The following ATXN7L3 variants were observed in gnomAD, a reference collection of about 807,000 sequenced individuals.
ATXN7L3 encodes the protein ataxin-7-like protein 3.
ATXN7L3 carries 6 observed loss-of-function variants against 50.0 expected under a neutral mutation model. The ratio of observed to expected loss-of-function variants is 0.12; its 90% CI spans 0.07 to 0.24. The LOEUF is 0.24. Among genes scored for constraint, ATXN7L3 ranks in the 10% least tolerant of loss-of-function variants. The pLI, the probability that ATXN7L3 is intolerant of heterozygous loss-of-function variation, is 1.00. For synonymous variants in ATXN7L3, 198 were observed against 165.8 expected (o/e 1.19, Z -1.49); for missense variants, 322 against 451.3 (o/e 0.71, Z 2.60).
rs921183518 is a variant in ATXN7L3 at position 44,193,422 on chromosome 17, A to C, written c.*841T>G. ...TCCTGGGGCAGGGAATGAGGTAAGA[A>C]AACATTTCAAATAAAGCAGCACCGT... On this transcript the variant is annotated 3_prime_UTR_variant, in exon 13 of 13. Coordinates refer to ENST00000587097, the MANE Select transcript of ATXN7L3 (RefSeq NM_001382309.1). The C allele has an allele frequency of 6.6e-6, 1 of 152,550 alleles. No individual in the cohort carries two copies. Among genetic ancestry groups the C allele is most frequent in the African/African-American group, 2.4e-5 (1 of 41,362 alleles). The allele number at this position is 152,550 out of a possible 1,614,324, so 9.4% of individuals were successfully genotyped here. A position where few individuals can be genotyped will look rare whatever the true frequency, so the allele number is the denominator to read the frequency against.
intron 9 of ATXN7L3, 97 bp downstream of exon 9, chr17:44,195,322 C>A: frequency 1.4e-6 from 2 of 1,420,064 alleles, no homozygotes; most frequent in Non-Finnish European, 2.0e-6. Flanking sequence ...CGATACGGCC[C>A]TGACTGCTAG....
intron 6 of ATXN7L3, 92 bp downstream of exon 6, chr17:44,196,304 C>T: frequency 2.0e-6 from 3 of 1,536,084 alleles, no homozygotes; most frequent in Non-Finnish European, 1.8e-6. Flanking sequence ...ATGACCTCAG[C>T]CTTGAGTCAT....
In ATXN7L3 at chr17:44,191,834, C is replaced by A; in HGVS notation, c.*2429G>T. 1.5e-6 allele frequency: 1 copy of A among 666,444 alleles called. No homozygotes were observed. The highest frequency in any genetic ancestry group is 1.9e-6 in the Non-Finnish European group (1 of 538,862). 41.3% of individuals were successfully genotyped at this position (666,444 alleles called of 1,614,324 possible). A position where few individuals can be genotyped will look rare whatever the true frequency, so the allele number is the denominator to read the frequency against. The stretch of plus-strand genomic sequence containing the variant: ...AACGGGAGATGCAGTTTATTTACAC[C>A]AGCAGCCATGGGGGCAGAGGGAATA... On this transcript the variant is annotated 3_prime_UTR_variant, in exon 13 of 13. Coordinates refer to ENST00000587097, the MANE Select transcript of ATXN7L3 (RefSeq NM_001382309.1).
At position 44,194,323 on chromosome 17, in the gene ATXN7L3, C is replaced by G; in HGVS notation, c.984G>C (p.Lys328Asn). Residue 328 changes from lysine (K) to asparagine (N), a missense_variant, in exon 13 of 13, where the codon AAG becomes AAC. Lys to Asn is a moderately conservative substitution (Grantham distance 94). Coordinates refer to ENST00000587097, the MANE Select transcript of ATXN7L3 (RefSeq NM_001382309.1). ...GTGCCGGTGGCTTTGGCTTCTTCTT[C>G]TTGTTGGAACCTAGGCCGGAGGCAG... ...VGTASGLGSN[K>N]KKKPKPPAPP... The G allele has an allele frequency of 6.2e-7, 1 of 1,614,214 alleles. No individual in the cohort carries two copies. The highest frequency in any genetic ancestry group is 2.2e-5 in the East Asian group (1 of 44,888).
At position 44,197,392 on chromosome 17, in the gene ATXN7L3, C is replaced by G; in HGVS notation, c.192G>C (p.Val64=). The G allele has an allele frequency of 6.3e-7, 1 of 1,596,164 alleles. No individual in the cohort carries two copies. The highest frequency in any genetic ancestry group is 8.6e-7 in the Non-Finnish European group (1 of 1,167,984). The change falls in exon 4 of 13, where the codon GTG becomes GTC. Residue 64 remains valine, a synonymous_variant. Coordinates refer to ENST00000587097, the MANE Select transcript of ATXN7L3 (RefSeq NM_001382309.1). ...CAAAGATGTCCAAGCCCGGCTGGTC[C>G]ACGATCTCTGGGGACAGGAGAGGCT... ...DPDSMKDFEI[V]DQPGLDIFGQ...
Position 44,197,210 on chromosome 17 carries a change from C to T in ATXN7L3, c.356+18G>A. ...CATGGCACAGGCTGCAGAGAACGGG[C>T]AGCTCTGGTTCCCTCACCGGCGGTT... On this transcript the variant is annotated intron_variant, in intron 4 of 12. Coordinates refer to ENST00000587097, the MANE Select transcript of ATXN7L3 (RefSeq NM_001382309.1). 1 of 1,581,696 alleles carries T rather than the reference C, an allele frequency of 6.3e-7. No homozygotes were observed. The highest frequency in any genetic ancestry group is 8.6e-7 in the Non-Finnish European group (1 of 1,161,292).
rs963005590 is a variant in ATXN7L3 at position 44,195,434 on chromosome 17, G to T, written c.606C>A (p.Arg202=). 4.3e-6 allele frequency: 7 copies of T among 1,613,966 alleles called. No homozygotes were observed. The highest frequency in any genetic ancestry group is 5.9e-6 in the Non-Finnish European group (7 of 1,179,974). ...SYETLGPEEL[R]SLLTTQCGVI... is the part of the protein sequence containing the mutation. ...CCTCCCTCACCGTGGTTAGCAGGCT[G>T]CGAAGCTCCTCCGGCCCCAGGGTCT... is the stretch of plus-strand genomic sequence containing the variant. Residue 202 remains arginine, a synonymous_variant, in exon 9 of 13, where the codon CGC becomes CGA. Coordinates refer to ENST00000587097, the MANE Select transcript of ATXN7L3 (RefSeq NM_001382309.1).
At chr17:44,196,236 C>G (rs1383241234) in intron 6 of ATXN7L3, 157 bp from the exon 7 acceptor site, 55 of 768,484 alleles carry the variant, frequency 7.2e-5, no homozygotes, top group Admixed American at 1.2e-4. Context: ...TCCCCCACCC[C>G]CCTTCCCCAC....
chr17:44,196,897 T>C (rs2055924507), intron 5 of ATXN7L3, 32 bp downstream of exon 5: 2 of 1,535,890 alleles, frequency 1.3e-6, no homozygotes, highest in African/African-American at 2.7e-5. Flanking sequence ...CTCATCCCAA[T>C]GCCCCCCGGG....
chr17:44,196,439 A>G (rs765860508), intron 5 of ATXN7L3, 21 bp from the exon 6 acceptor site: 2 of 1,613,962 alleles, frequency 1.2e-6, no homozygotes, highest in South Asian at 1.1e-5. Context: ...CAAAAGCATA[A>G]AGAGCAGGGT....
At chr17:44,197,149 C>G in intron 4 of ATXN7L3, 79 bp downstream of exon 4, 1 of 1,564,668 alleles carries the variant, frequency 6.4e-7, no homozygotes, top group Non-Finnish European at 8.7e-7. Flanking sequence ...TAAAACCCAC[C>G]CTCTGTACCT....
chr17:44,196,860 A>T, intron 5 of ATXN7L3, 69 bp downstream of exon 5: 1 of 1,055,450 alleles, frequency 9.5e-7, no homozygotes, highest in Non-Finnish European at 1.5e-6. Flanking sequence ...ATTTGTGACC[A>T]CTGTATACCC....
rs774355010 is a variant in ATXN7L3 at position 44,197,610 on chromosome 17, T to A, written c.172A>T (p.Met58Leu). Reference sequence around the variant, plus strand: ...CCCTGAAGCTCACCAAAATCCTTCATGCTATCAGGGTCCGTGTCGTCCAAG... The same window carrying A: ...CCCTGAAGCTCACCAAAATCCTTCAAGCTATCAGGGTCCGTGTCGTCCAAG... ...FFLDDTDPDSMKDFEIVDQPG... is the reference protein window; with the variant it reads ...FFLDDTDPDSLKDFEIVDQPG... Residue 58 changes from methionine (M) to leucine (L), a missense_variant, in exon 3 of 13, where the codon ATG (methionine) becomes TTG (leucine). Physicochemically the swap from Met to Leu is conservative, Grantham distance 15. Transcript: ENST00000587097. 1 of 1,614,126 alleles carries A rather than the reference T, an allele frequency of 6.2e-7. No individual in the cohort carries two copies.
chr17:44,195,564 C>T, intron 8 of ATXN7L3, 77 bp from the exon 9 acceptor site: 1 of 1,439,680 alleles, frequency 6.9e-7, no homozygotes, highest in Non-Finnish European at 9.8e-7. Context: ...GAGAATCAGT[C>T]CCTCTGGTCC....
At chr17:44,196,761 G>A (rs995240868) in intron 5 of ATXN7L3, among the ~76,000 whole-genome samples, 168 bp downstream of exon 5, 4 of 128,262 alleles carry the variant, frequency 3.1e-5, no homozygotes, top group African/African-American at 6.3e-5. Flanking sequence ...CTGGGCCACA[G>A]AGCGAGAATC....
intron 8 of ATXN7L3, 23 bp from the exon 9 acceptor site, chr17:44,195,510 G>T: frequency 3.1e-6 from 5 of 1,601,572 alleles, no homozygotes; most frequent in Non-Finnish European, 4.3e-6. Context: ...CAGAGGTACA[G>T]GTTAGAGATG....
At chr17:44,195,554 G>A in intron 8 of ATXN7L3, 67 bp from the exon 9 acceptor site, 3 of 1,492,196 alleles carry the variant, frequency 2.0e-6, no homozygotes, top group East Asian at 2.3e-5. Context: ...GGGTGGAAGT[G>A]AGAATCAGTC....
chr17:44,195,440 C>T lies in ATXN7L3; in HGVS notation c.600G>A (p.Glu200=), dbSNP rs1278965259. Residue 200 remains glutamate, a synonymous_variant, in exon 9 of 13, where the codon GAG becomes GAA. Coordinates refer to ENST00000587097, the MANE Select transcript of ATXN7L3 (RefSeq NM_001382309.1). The part of the protein sequence containing the change: ...GISYETLGPE[E]LRSLLTTQCG... ...TCACCGTGGTTAGCAGGCTGCGAAG[C>T]TCCTCCGGCCCCAGGGTCTCATAGC... is the stretch of plus-strand genomic sequence containing the variant. 1.2e-6 allele frequency: 2 copies of T among 1,614,118 alleles called. No individual in the cohort carries two copies. Among genetic ancestry groups the T allele is most frequent in the Non-Finnish European group, 1.7e-6 (2 of 1,180,006 alleles).
At chr17:44,199,407 G>C (rs1425515235) in intron 1 of ATXN7L3, 89 bp downstream of exon 1, 4 of 148,828 alleles carry the variant, frequency 2.7e-5, no homozygotes, top group South Asian at 4.2e-4. Flanking sequence ...GACCTGGGGG[G>C]AGGGGGCCCA....
Sources: gnomAD v4.1 joint callset for allele counts (sites outside exome capture counted in the v4.1 genomes callset) on GRCh38, gnomAD v4.1.1 for gene constraint, MANE v1.5 for transcripts, NCBI Gene and HGNC (gene_info 2026-07-23, HGNC 2026-07-21) for gene names.